The following GIGYF2 variants were observed in gnomAD, a reference collection of about 807,000 sequenced individuals.
GIGYF2 encodes GRB10 interacting GYF protein 2.
A neutral mutation model predicts 208.1 loss-of-function variants in GIGYF2; 25 were observed. The ratio of observed to expected loss-of-function variants is 0.12; its 90% CI spans 0.09 to 0.17. The LOEUF (loss-of-function observed/expected upper bound fraction) is 0.17. Ranked by LOEUF, GIGYF2 falls within the 10% of genes least tolerant of loss-of-function variation. GIGYF2 has a pLI of 1.00. For synonymous variants in GIGYF2, 534 were observed against 543.8 expected, an observed-to-expected ratio of 0.98 and a Z score of 0.25; for missense variants, 1,302 against 1,579.4, an observed-to-expected ratio of 0.82 and a Z score of 2.98.
intron 14 of GIGYF2, among the ~76,000 whole-genome samples, chr2:232,796,742 C>T (rs1426382303): frequency 6.6e-6 from 1 of 152,052 alleles, no homozygotes; most frequent in East Asian, 1.9e-4. Flanking sequence ...TGCCTGTAAT[C>T]CCAGCTACTC....
At chr2:232,776,479 T>C in intron 8 of GIGYF2, 1 of 1,559,932 alleles carries the variant, frequency 6.4e-7, no homozygotes, top group Non-Finnish European at 8.8e-7. Flanking sequence ...TATGCCAAGG[T>C]AGGTCTTAAG....
intron 13 of GIGYF2, among the ~76,000 whole-genome samples, chr2:232,795,404 A>G (rs1244863771): frequency 6.6e-6 from 1 of 152,240 alleles, no homozygotes; most frequent in African/African-American, 2.4e-5. Context: ...CTTTTCTACG[A>G]AAGAATTTCT....
intron 14 of GIGYF2, among the ~76,000 whole-genome samples, chr2:232,798,952 CAATTACCAT>C (rs1700305932): frequency 6.7e-6 from 1 of 150,346 alleles, no homozygotes; most frequent in Non-Finnish European, 1.5e-5. Flanking sequence ...CAGTCCCTGG[CAATTACCAT>C]TGCCAGGGAC....
rs2106383258 is a variant in GIGYF2, at chr2:232,809,749, G to A, written c.1836G>A (p.Arg612=). 2 of 1,611,210 alleles carry A rather than the reference G, an allele frequency of 1.2e-6. No homozygotes were observed. Among genetic ancestry groups the A allele is most frequent in the Admixed American group, 1.7e-5 (1 of 60,026 alleles). ...MGELDQERLT[R]QQELTALYQM... is the part of the protein sequence containing the mutation. ...AGCTGGACCAGGAACGACTGACCAG[G>A]CAGCAAGAACTCACAGCCTTATACC... Residue 612 remains arginine, a synonymous_variant, in exon 16 of 29, where the codon AGG becomes AGA. Transcript: ENST00000373563.
intron 14 of GIGYF2, among the ~76,000 whole-genome samples, chr2:232,804,900 A>G (rs1700512998): frequency 6.6e-6 from 1 of 150,730 alleles, no homozygotes; most frequent in South Asian, 2.1e-4. Flanking sequence ...AGTATTTGGA[A>G]GATTTCTGTT....
Position 232,847,873 on chromosome 2 carries a change from A to G in GIGYF2, c.3684+302A>G, listed in dbSNP as rs1327539154. 8.5e-5 allele frequency among the ~76,000 whole-genome samples: 13 copies of G among 152,232 alleles called. 1 individual carries two copies. Among genetic ancestry groups the G allele is most frequent in the Admixed American group, 8.5e-4 (13 of 15,286 alleles). On this transcript the variant is annotated intron_variant, in intron 27 of 28. Coordinates refer to ENST00000373563, the MANE Select transcript of GIGYF2 (RefSeq NM_001103146.3). ...GTCAAACCCATAGATCTGGTTTTGAAAAGTTAAAACTTAAAATGTTGAATT... is the reference window on the plus strand; with the variant it reads ...GTCAAACCCATAGATCTGGTTTTGAGAAGTTAAAACTTAAAATGTTGAATT...
intron 8 of GIGYF2, among the ~76,000 whole-genome samples, chr2:232,783,376 T>C (rs1397179803): frequency 6.6e-6 from 1 of 152,194 alleles, no homozygotes; most frequent in Non-Finnish European, 1.5e-5. Context: ...TTTCTTATTT[T>C]GTTTATTTAT....
chr2:232,832,497 T>C (rs948100351), intron 21 of GIGYF2, among the ~76,000 whole-genome samples: 1 of 152,170 alleles, frequency 6.6e-6, no homozygotes, highest in African/African-American at 2.4e-5. Flanking sequence ...TTAAAAGGTA[T>C]TGGTAGCTCT....
In GIGYF2 at chr2:232,847,376, A is replaced by G. The variant is rs1405338572; in HGVS notation, c.3489A>G (p.Glu1163=). The G allele has an allele frequency of 1.6e-5, 25 of 1,612,400 alleles. No homozygotes were observed. Among genetic ancestry groups the G allele is most frequent in the Non-Finnish European group, 2.1e-5 (25 of 1,178,732 alleles). ...CCACATTTGTTTCTTTCCTGAAAGA[A>G]GTAGAATCTCCTTATGAGGTCCATG... is the stretch of plus-strand genomic sequence containing the variant. ...DVPTFVSFLK[E]VESPYEVHDY... is the part of the protein sequence containing the mutation. The change falls in exon 27 of 29, where the codon GAA becomes GAG. Residue 1163 remains glutamate, a synonymous_variant. Transcript: ENST00000373563.
chr2:232,735,291 A>G, intron 3 of GIGYF2, 53 bp downstream of exon 3: 1 of 1,272,866 alleles, frequency 7.9e-7, no homozygotes, highest in South Asian at 1.2e-5. Flanking sequence ...ATACAGTAGT[A>G]AAGTATTTGA....
rs199779111 is a variant in GIGYF2, at chr2:232,847,537, C to A, written c.3650C>A (p.Pro1217Gln). The A allele has an allele frequency of 2.5e-6, 4 of 1,600,564 alleles. No individual in the cohort carries two copies. The highest frequency in any genetic ancestry group is 2.2e-5 in the South Asian group (2 of 90,302). The change falls in exon 27 of 29, where the codon CCG becomes CAG. Residue 1217 changes from proline to glutamine, a missense_variant. By Grantham distance (76) the Pro-to-Gln change is moderately conservative (BLOSUM62 -1). Coordinates refer to ENST00000373563, the MANE Select transcript of GIGYF2 (RefSeq NM_001103146.3). Reference protein sequence around the residue: ...QQLPQQQQQQPPQQPPQQPQQ... With the variant: ...QQLPQQQQQQQPQQPPQQPQQ... ...CTGCCACAGCAGCAGCAGCAGCAGC[C>A]GCCACAGCAGCCGCCACAGCAGCCA...
At chr2:232,767,862 A>C in intron 8 of GIGYF2, 1 of 289,296 alleles carries the variant, frequency 3.5e-6, no homozygotes, top group Non-Finnish European at 6.6e-6. Flanking sequence ...ATTTTCTTAG[A>C]GTTCAGTTGT....
intron 28 of GIGYF2, among the ~76,000 whole-genome samples, chr2:232,855,039 T>C (rs532048487): frequency 3.3e-5 from 5 of 152,002 alleles, no homozygotes; most frequent in African/African-American, 1.2e-4. Flanking sequence ...CATGTGACCA[T>C]TGGGCATTCG....
At position 232,791,465 on chromosome 2, in the gene GIGYF2, A is replaced by T. The variant is rs374289748; in HGVS notation, c.1282+19A>T. 2.4e-5 allele frequency: 38 copies of T among 1,605,076 alleles called. No homozygotes were observed. The African/African-American group carries it at 3.9e-4, about 16-fold the overall frequency. ...GGGGATGGTATGTATTTGTGGGAATAGACAAGCTAAAATAGGATTCTGCTG... is the reference window on the plus strand; with the variant it reads ...GGGGATGGTATGTATTTGTGGGAATTGACAAGCTAAAATAGGATTCTGCTG... On this transcript the variant is annotated intron_variant, in intron 12 of 28. Transcript: ENST00000373563.
intron 21 of GIGYF2, among the ~76,000 whole-genome samples, chr2:232,821,212 T>A (rs953695602): frequency 6.6e-6 from 1 of 152,006 alleles, no homozygotes; most frequent in African/African-American, 2.4e-5. Context: ...TTACTTACTT[T>A]CTTATTTTAA....
intron 3 of GIGYF2, chr2:232,735,686 C>T (rs1234879948): frequency 2.0e-6 from 2 of 990,084 alleles, no homozygotes; most frequent in Non-Finnish European, 2.4e-6. Context: ...ATTATACTGG[C>T]TGTTAACAGT....
intron 1 of GIGYF2, among the ~76,000 whole-genome samples, chr2:232,703,172 G>T (rs1695933466): frequency 6.6e-6 from 1 of 152,170 alleles, no homozygotes; most frequent in African/African-American, 2.4e-5. Flanking sequence ...CCCCATGGTG[G>T]TCTTCATTTG....
At chr2:232,747,915 G>C (rs1698208183) in intron 4 of GIGYF2, among the ~76,000 whole-genome samples, 171 bp downstream of exon 4, 1 of 151,784 alleles carries the variant, frequency 6.6e-6, no homozygotes, top group South Asian at 2.1e-4. Context: ...GATCTTCTAA[G>C]TGTTATCACA....
intron 22 of GIGYF2, among the ~76,000 whole-genome samples, chr2:232,836,256 A>ATCTCTCTCTCTCTCTCTC (rs1559160076): frequency 9.7e-6 from 1 of 102,716 alleles, no homozygotes; most frequent in African/African-American, 4.2e-5. Flanking sequence ...GTGAAACCCC[A>ATCTCTCTCTCTCTCTCTC]TCTCTACATA....
Sources: gnomAD v4.1 joint callset for allele counts (sites outside exome capture counted in the v4.1 genomes callset) on GRCh38, gnomAD v4.1.1 for gene constraint, MANE v1.5 for transcripts, NCBI Gene and HGNC (gene_info 2026-07-23, HGNC 2026-07-21) for gene names.